The following MYO10 variants were observed in gnomAD, a reference collection of about 807,000 sequenced individuals.
MYO10 encodes unconventional myosin-X.
Under a neutral mutation model 257.3 loss-of-function variants are expected in MYO10, and 133 were observed. That is an observed-to-expected ratio of 0.52 (90% CI 0.45 to 0.60). MYO10 has a LOEUF of 0.60. MYO10 is among the 20% of genes least tolerant of loss of function. MYO10 has a pLI of 0.00. For missense variants in MYO10, 2,399 were observed against 2,635.7 expected (o/e 0.91, Z 1.97); for synonymous variants, 1,104 against 1,028.6 (o/e 1.07, Z -1.40).
chr5:16,666,843 CA>C, intron 40 of MYO10, 50 bp from the exon 41 acceptor site: 1 of 1,432,632 alleles, frequency 7.0e-7, no homozygotes. Flanking sequence ...CTCCCCCAGG[CA>C]AAGGGCCCTG....
At chr5:16,876,404 T>C (rs1744605203) in intron 2 of MYO10, among the ~76,000 whole-genome samples, 1 of 152,196 alleles carries the variant, frequency 6.6e-6, no homozygotes, top group Non-Finnish European at 1.5e-5. Flanking sequence ...GTGGTGCTCC[T>C]ATAAACAGGA....
At position 16,902,345 on chromosome 5, in the gene MYO10, G is replaced by T. The variant is rs896111372; in HGVS notation, c.22-24638C>A. 1.6e-5 allele frequency: 19 copies of T among 1,159,896 alleles called. No individual in the cohort carries two copies. The Admixed American group carries it at 1.9e-4, about 11-fold the overall frequency. The allele number at this position is 1,159,896 out of a possible 1,614,324, so 71.9% of individuals were successfully genotyped here. A position where few individuals can be genotyped will look rare whatever the true frequency, so the allele number is the denominator to read the frequency against. On this transcript the variant is annotated intron_variant, in intron 1 of 40. Transcript: ENST00000513610. The stretch of plus-strand genomic sequence containing the variant: ...GGGCAGCACCCGCAGTTCTAAATCA[G>T]GGTGGGGGTGTTCGGTCCTTGCGGG...
At chr5:16,780,767 C>T (rs1317311650) in intron 6 of MYO10, 26 bp from the exon 7 acceptor site, 3 of 1,562,518 alleles carry the variant, frequency 1.9e-6, no homozygotes, top group Non-Finnish European at 2.6e-6. Flanking sequence ...AATGGCAAGT[C>T]AAGGAAAAAA....
Position 16,663,325 on chromosome 5 carries a change from G to GTTTT in MYO10, c.*3366_*3367insAAAA, listed in dbSNP as rs1561158360. On this transcript the variant is annotated 3_prime_UTR_variant, in exon 41 of 41. Transcript: ENST00000513610. ...GGAAAAAAGTAACATTTTACTTCTA[G>GTTTT]TTGTTTTTTTTTTTTTTTTTTTTTT... 2 of 41,322 alleles carry GTTTT rather than the reference G, an allele frequency of 4.8e-5. No homozygotes were observed. Among genetic ancestry groups the GTTTT allele is most frequent in the Non-Finnish European group, 8.5e-5 (2 of 23,538 alleles). The allele number at this position is 41,322 out of a possible 1,614,324, so 2.6% of individuals were successfully genotyped here. A position where few individuals can be genotyped will look rare whatever the true frequency, so the allele number is the denominator to read the frequency against.
At chr5:16,798,698 T>C (rs1742035964) in intron 3 of MYO10, among the ~76,000 whole-genome samples, 1 of 152,174 alleles carries the variant, frequency 6.6e-6, no homozygotes. Context: ...CATTATTTTC[T>C]TTTTTCTGCT....
At chr5:16,888,579 G>C (rs1385373501) in intron 1 of MYO10, among the ~76,000 whole-genome samples, 2 of 150,778 alleles carry the variant, frequency 1.3e-5, no homozygotes, top group African/African-American at 4.9e-5. Flanking sequence ...TGAACAACAA[G>C]AGCGAGACTC....
chr5:16,692,836 T>C (rs1737569479), intron 27 of MYO10, among the ~76,000 whole-genome samples: 1 of 152,240 alleles, frequency 6.6e-6, no homozygotes, highest in Non-Finnish European at 1.5e-5. Flanking sequence ...CTCAGTATAA[T>C]TCTGATGAAG....
intron 40 of MYO10, 145 bp downstream of exon 40, chr5:16,668,132 G>T (rs188745583): frequency 6.2e-6 from 5 of 806,490 alleles, no homozygotes; most frequent in Non-Finnish European, 9.3e-6. Flanking sequence ...CCGGCAGCTG[G>T]AAAGGGACCA....
intron 9 of MYO10, among the ~76,000 whole-genome samples, chr5:16,772,828 T>C (rs1204165509): frequency 6.6e-6 from 1 of 152,152 alleles, no homozygotes; most frequent in African/African-American, 2.4e-5. Flanking sequence ...CACTACATAG[T>C]GCATATTTTA....
At chr5:16,809,569 T>C (rs1471030513) in intron 3 of MYO10, among the ~76,000 whole-genome samples, 3 of 152,252 alleles carry the variant, frequency 2.0e-5, no homozygotes, top group Non-Finnish European at 2.9e-5. Flanking sequence ...GGCTGATGCC[T>C]GCTAACACAT....
chr5:16,863,367 G>A (rs906919649), intron 2 of MYO10, among the ~76,000 whole-genome samples: 1 of 149,104 alleles, frequency 6.7e-6, no homozygotes, highest in Non-Finnish European at 1.5e-5. Context: ...AGGAAAAAGG[G>A]TCAGAAATAA....
At chr5:16,713,781 A>G (rs1240969392) in intron 19 of MYO10, among the ~76,000 whole-genome samples, 1 of 152,226 alleles carries the variant, frequency 6.6e-6, no homozygotes, top group African/African-American at 2.4e-5. Flanking sequence ...TTCAAAGATG[A>G]CACAGCTGGA....
intron 1 of MYO10, among the ~76,000 whole-genome samples, chr5:16,894,746 G>A (rs576168748): frequency 6.6e-6 from 1 of 152,278 alleles, no homozygotes; most frequent in East Asian, 1.9e-4. Flanking sequence ...GACACCAGGA[G>A]GACTAATGTG....
intron 11 of MYO10, 129 bp from the exon 12 acceptor site, chr5:16,764,525 C>A (rs1458378609): frequency 2.2e-6 from 2 of 906,450 alleles, no homozygotes; most frequent in South Asian, 1.8e-5. Context: ...TGAAGTCAAT[C>A]GATCTCATCT....
chr5:16,789,633 A>G (rs1741695262), intron 4 of MYO10, among the ~76,000 whole-genome samples: 2 of 152,152 alleles, frequency 1.3e-5, no homozygotes, highest in South Asian at 4.1e-4. Flanking sequence ...TAAAAATACG[A>G]TAAAAAAAAG....
In MYO10 at chr5:16,740,947, A is replaced by G. The variant is rs201936735; in HGVS notation, c.1929+13881T>C. ...TCGCTTAGCACCAGAAATCTTATCT[A>G]CGCGACGAAAGCAGATTTAGCCTAG... On this transcript the variant is annotated intron_variant, in intron 19 of 40. Coordinates refer to ENST00000513610, the MANE Select transcript of MYO10 (RefSeq NM_012334.3). 2.0e-5 allele frequency among the ~76,000 whole-genome samples: 3 copies of G among 151,960 alleles called. No individual in the cohort carries two copies. In the East Asian group the frequency reaches 5.8e-4, roughly 29 times the overall value.
intron 2 of MYO10, among the ~76,000 whole-genome samples, chr5:16,866,922 C>G (rs748361700): frequency 1.1e-4 from 17 of 152,196 alleles, no homozygotes; most frequent in Non-Finnish European, 2.2e-4. Context: ...GCTGCCCTCC[C>G]GGACCCCAGG....
Position 16,670,880 on chromosome 5 carries a change from A to T in MYO10, c.5529T>A (p.Thr1843=), listed in dbSNP as rs762347931. ...LRLQYLQGDY[T]LHAAIPPLEE... is the part of the protein sequence containing the mutation. ...CGAGAGGTGGGATGGCAGCGTGCAG[A>T]GTATAATCCCCCTGCAGATACTGGA... The change falls in exon 39 of 41, where the codon ACT becomes ACA. Residue 1843 remains threonine, a synonymous_variant. Transcript: ENST00000513610. The T allele has an allele frequency of 1.2e-5, 19 of 1,613,788 alleles. No homozygotes were observed. Among genetic ancestry groups the T allele is most frequent in the Non-Finnish European group, 1.5e-5 (18 of 1,179,862 alleles).
At chr5:16,921,897 T>G (rs1745996803) in intron 1 of MYO10, among the ~76,000 whole-genome samples, 1 of 151,956 alleles carries the variant, frequency 6.6e-6, no homozygotes, top group Non-Finnish European at 1.5e-5. Flanking sequence ...CACCCACCAC[T>G]GCAACAAAGA....
Sources: allele counts gnomAD v4.1 joint callset (sites outside exome capture counted in the v4.1 genomes callset), GRCh38; gene constraint gnomAD v4.1.1; transcripts MANE v1.5; gene names NCBI Gene and HGNC (gene_info 2026-07-23, HGNC 2026-07-21).